Variants in GRIK4 observed in about 807,000 individuals in gnomAD.
GRIK4 encodes the protein glutamate ionotropic receptor kainate type subunit 4.
GRIK4 carries 40 observed loss-of-function variants against 104.9 expected under a neutral mutation model. That is an observed-to-expected ratio of 0.38 (90% CI 0.30 to 0.50). The LOEUF (loss-of-function observed/expected upper bound fraction) is 0.50, where lower values mean the gene tolerates loss of function less well. GRIK4 is among the 20% of genes least tolerant of loss of function. The pLI, the probability that GRIK4 is intolerant of heterozygous loss-of-function variation, is 0.93. For missense variants in GRIK4, 1,047 were observed against 1,308.1 expected, an observed-to-expected ratio of 0.80 and a Z score of 3.08; for synonymous variants, 485 against 524.9, an observed-to-expected ratio of 0.92 and a Z score of 1.04.
At chr11:120,633,006 A>T (rs1459331496) in intron 1 of GRIK4, among the ~76,000 whole-genome samples, 2 of 152,048 alleles carry the variant, frequency 1.3e-5, no homozygotes, top group African/African-American at 4.8e-5. Context: ...GGAAACTTAG[A>T]AGGCACATGG....
At chr11:120,564,475 A>C (rs1316086916) in intron 1 of GRIK4, 1 of 152,118 alleles carries the variant, frequency 6.6e-6, no homozygotes, top group African/African-American at 2.4e-5. Flanking sequence ...GTGGGGTCGG[A>C]GCGCAGGGCT....
chr11:120,957,591 A>ATGTGTGTGTGTGTGTGTGTG (rs72064502), intron 16 of GRIK4, among the ~76,000 whole-genome samples: 6,645 of 136,282 alleles, frequency 0.049, 244 homozygotes, highest in African/African-American at 0.058. Flanking sequence ...GACAAAACAA[A>ATGTGTGTGTGTGTGTGTGTG]TGTGTGTGTG....
At position 120,728,318 on chromosome 11, in the gene GRIK4, A is replaced by C. The variant is rs74486410; in HGVS notation, c.82+67918A>C. Among the ~76,000 whole-genome samples, 669 of 152,300 alleles carry C rather than the reference A, an allele frequency of 4.4e-3. 34 individuals are homozygous for C. The East Asian group carries it at 0.086, about 20-fold the overall frequency. ...AACATGAGCCAAGGATTTTATATTC[A>C]GTAAAATCGACCTTCAAGTGTGAAG... On this transcript the variant is annotated intron_variant, in intron 3 of 20. Transcript: ENST00000527524.
intron 3 of GRIK4, among the ~76,000 whole-genome samples, chr11:120,802,351 C>T (rs1952635620): frequency 6.6e-6 from 1 of 152,176 alleles, no homozygotes; most frequent in African/African-American, 2.4e-5. Flanking sequence ...TCACTTTGCA[C>T]AATGCCTGCT....
chr11:120,916,215 C>T (rs1009261924), intron 13 of GRIK4, among the ~76,000 whole-genome samples: 2 of 152,148 alleles, frequency 1.3e-5, no homozygotes, highest in African/African-American at 4.8e-5. Context: ...AAAACAGAGC[C>T]CCAAGAAGCT....
Position 120,939,923 on chromosome 11 carries a change from C to T in GRIK4, c.1477-424C>T, listed in dbSNP as rs143243843. 0.046 allele frequency among the ~76,000 whole-genome samples: 6,891 copies of T among 151,288 alleles called. 228 individuals are homozygous for T. Among genetic ancestry groups the T allele is most frequent in the Non-Finnish European group, 0.069 (4,686 of 67,804 alleles). ...TGAACTCAGGAGGCAGAGGTTGCGG[C>T]GAGCCGAGATGGCGCCACTGCACTC... On this transcript the variant is annotated intron_variant, in intron 13 of 20. Transcript: ENST00000527524. The surrounding 1 kb of genome is among the most constrained non-coding windows in gnomAD (Gnocchi z 5.6).
Position 120,927,676 on chromosome 11 carries a change from G to C in GRIK4, c.1477-12671G>C, listed in dbSNP as rs374391628. ...TAATATTTCCTTCAATTATGAATGTGGTCAACAAAGCTTCATGGTATTAAC... is the reference window on the plus strand; with the variant it reads ...TAATATTTCCTTCAATTATGAATGTCGTCAACAAAGCTTCATGGTATTAAC... On this transcript the variant is annotated intron_variant, in intron 13 of 20. Coordinates refer to ENST00000527524, the MANE Select transcript of GRIK4 (RefSeq NM_014619.5). 7.9e-5 allele frequency among the ~76,000 whole-genome samples: 12 copies of C among 152,058 alleles called. No individual in the cohort carries two copies. In the East Asian group the frequency reaches 2.3e-3, roughly 29 times the overall value.
At chr11:120,570,868 A>G (rs1006934025) in intron 1 of GRIK4, among the ~76,000 whole-genome samples, 1 of 152,214 alleles carries the variant, frequency 6.6e-6, no homozygotes, top group Non-Finnish European at 1.5e-5. Context: ...AATTTACATT[A>G]TATCTGTGTG....
chr11:120,914,788 G>T (rs990704844), intron 13 of GRIK4, among the ~76,000 whole-genome samples: 2 of 152,166 alleles, frequency 1.3e-5, no homozygotes, highest in Non-Finnish European at 2.9e-5. Flanking sequence ...GAGGGGAGTG[G>T]CATAATTGCC....
intron 3 of GRIK4, among the ~76,000 whole-genome samples, chr11:120,728,467 A>G (rs1431795252): frequency 6.6e-6 from 1 of 152,234 alleles, no homozygotes; most frequent in Non-Finnish European, 1.5e-5. Flanking sequence ...AGATTGACAT[A>G]AAACCAATGA....
At chr11:120,696,530 C>T (rs1950452140) in intron 3 of GRIK4, among the ~76,000 whole-genome samples, 1 of 147,908 alleles carries the variant, frequency 6.8e-6, no homozygotes. Flanking sequence ...CTGGGGGGGC[C>T]CAAGGTGAGA....
At chr11:120,929,171 C>T (rs1379200752) in intron 13 of GRIK4, among the ~76,000 whole-genome samples, 1 of 152,182 alleles carries the variant, frequency 6.6e-6, no homozygotes, top group African/African-American at 2.4e-5. Flanking sequence ...CCCCAGTGGA[C>T]AAGGACACCA....
chr11:120,895,040 C>G (rs1942539705), intron 11 of GRIK4, among the ~76,000 whole-genome samples: 1 of 152,128 alleles, frequency 6.6e-6, no homozygotes, highest in Non-Finnish European at 1.5e-5. Context: ...GCTAATTAGT[C>G]TCTTTGCCGT....
intron 3 of GRIK4, among the ~76,000 whole-genome samples, chr11:120,687,226 G>A (rs1258036959): frequency 6.6e-6 from 1 of 152,148 alleles, no homozygotes; most frequent in Non-Finnish European, 1.5e-5. Flanking sequence ...GGTTCCCCAG[G>A]CTGTCTTAGC....
chr11:120,874,059 C>A lies in GRIK4; in HGVS notation c.907-7C>A. 1.3e-6 allele frequency: 2 copies of A among 1,599,874 alleles called. No individual in the cohort carries two copies. The highest frequency in any genetic ancestry group is 1.7e-6 in the Non-Finnish European group (2 of 1,168,320). ...CCTCCCTCCGCCTGCTCCCCGGCCT[C>A]TCCCAGCTCTCCTCGGCCCTGCTGT... is the stretch of plus-strand genomic sequence containing the variant. On this transcript the variant is annotated splice_polypyrimidine_tract_variant and splice_region_variant and intron_variant, in intron 9 of 20. Coordinates refer to ENST00000527524, the MANE Select transcript of GRIK4 (RefSeq NM_014619.5).
chr11:120,524,220 T>C lies in GRIK4; in HGVS notation c.-159+12333T>C, dbSNP rs34527172. 0.1 allele frequency among the ~76,000 whole-genome samples: 15,764 copies of C among 152,236 alleles called. 1,013 individuals carry two copies. Among genetic ancestry groups the C allele is most frequent in the African/African-American group, 0.18 (7,587 of 41,512 alleles). ...GATTAGCGGCGTGAGCCACCGCGTC[T>C]GGCCGTTTCTGCATTCTTTCCCCAA... On this transcript the variant is annotated intron_variant, in intron 1 of 20. Transcript: ENST00000527524. This position sits in a 1 kb window ranked among gnomAD's most constrained non-coding sequence, Gnocchi z 4.5.
chr11:120,567,979 A>C (rs999581231), intron 1 of GRIK4, among the ~76,000 whole-genome samples: 2 of 152,212 alleles, frequency 1.3e-5, no homozygotes, highest in African/African-American at 4.8e-5. Flanking sequence ...TAAGAGTTCA[A>C]GACCTGCCTG....
At chr11:120,749,748 C>T (rs1014774035) in intron 3 of GRIK4, among the ~76,000 whole-genome samples, 4 of 152,200 alleles carry the variant, frequency 2.6e-5, no homozygotes, top group Non-Finnish European at 5.9e-5. Context: ...GGCCCCACAG[C>T]ACAACCTTCA....
chr11:120,849,434 C>T (rs979515731), intron 8 of GRIK4, among the ~76,000 whole-genome samples: 5 of 152,182 alleles, frequency 3.3e-5, no homozygotes, highest in African/African-American at 1.2e-4. Flanking sequence ...AGAGATGCCT[C>T]GGCCTTCCGT....
Sources: gnomAD v4.1 joint callset for allele counts (sites outside exome capture counted in the v4.1 genomes callset) on GRCh38, gnomAD v4.1.1 for gene constraint, Gnocchi (gnomAD v3.1) non-coding constraint, MANE v1.5 for transcripts, NCBI Gene and HGNC (gene_info 2026-07-23, HGNC 2026-07-21) for gene names.